C21orf91: variants seen among roughly 807,000 people sequenced by gnomAD.
C21orf91 encodes the protein chromosome 21 open reading frame 91, also known as protein EURL homolog.
A neutral mutation model predicts 32.9 loss-of-function variants in C21orf91; 26 were observed. The ratio of observed to expected loss-of-function variants is 0.79; its 90% CI spans 0.58 to 1.10. The LOEUF (loss-of-function observed/expected upper bound fraction) is 1.10, where lower values mean the gene tolerates loss of function less well. Among genes scored for constraint, C21orf91 ranks in the 50% least tolerant of loss-of-function variants. C21orf91 has a pLI of 0.00. For missense variants in C21orf91, 310 were observed against 341.3 expected (o/e 0.91, Z 0.72); for synonymous variants, 126 against 120.4 (o/e 1.05, Z -0.31).
rs1185059100 is a variant in C21orf91, at chr21:17,817,432, T to TAA, written c.127+759_127+760insTT. ...TCCAAAATCTAGAGGTTTAATAAAG[T>TAA]CTCTCTACTGATATGTTACAACTCA... On this transcript the variant is annotated intron_variant, in intron 2 of 4. Coordinates refer to ENST00000284881, the MANE Select transcript of C21orf91 (RefSeq NM_001100420.2). 4.9e-4 allele frequency among the ~76,000 whole-genome samples: 75 copies of TAA among 152,106 alleles called. 1 individual carries two copies. Among genetic ancestry groups the TAA allele is most frequent in the Non-Finnish European group, 9.6e-4 (65 of 68,010 alleles).
intron 2 of C21orf91, among the ~76,000 whole-genome samples, chr21:17,799,302 T>G (rs531465542): frequency 6.6e-6 from 1 of 152,172 alleles, no homozygotes; most frequent in Non-Finnish European, 1.5e-5. Context: ...TTCTTCTTAA[T>G]GATTCATATA....
In C21orf91 at chr21:17,789,757, A is replaced by T. The variant is rs2062458379; in HGVS notation, c.*3658T>A. 6.6e-6 allele frequency: 1 copy of T among 152,096 alleles called. No individual in the cohort carries two copies. The highest frequency in any genetic ancestry group is 2.4e-5 in the African/African-American group (1 of 41,434). 9.4% of individuals were successfully genotyped at this position (152,096 alleles called of 1,614,324 possible). A position where few individuals can be genotyped will look rare whatever the true frequency, so the allele number is the denominator to read the frequency against. ...GATGCAAGCATTATAGCCCTCCTCCAAGTTACCTTTATTTTGTGTGAGGGC... is the reference window on the plus strand; with the variant it reads ...GATGCAAGCATTATAGCCCTCCTCCTAGTTACCTTTATTTTGTGTGAGGGC... On this transcript the variant is annotated 3_prime_UTR_variant, in exon 5 of 5. Transcript: ENST00000284881.
At position 17,817,408 on chromosome 21, in the gene C21orf91, C is replaced by G. The variant is rs78134726; in HGVS notation, c.127+784G>C. Among the ~76,000 whole-genome samples the G allele has an allele frequency of 3.9e-4, 59 of 152,058 alleles. No individual in the cohort carries two copies. The East Asian group carries it at 9.7e-3, about 25-fold the overall frequency. On this transcript the variant is annotated intron_variant, in intron 2 of 4. Coordinates refer to ENST00000284881, the MANE Select transcript of C21orf91 (RefSeq NM_001100420.2). ...AAGGAAAGAACTATTTTGAAACTGT[C>G]CAAAATCTAGAGGTTTAATAAAGTC...
At chr21:17,802,440 T>C (rs2146253444) in intron 2 of C21orf91, among the ~76,000 whole-genome samples, 1 of 152,352 alleles carries the variant, frequency 6.6e-6, no homozygotes, top group East Asian at 1.9e-4. Flanking sequence ...GGATTACATG[T>C]GGCGTGTAAT....
rs933234074 is a variant in C21orf91 at position 17,792,095 on chromosome 21, T to C, written c.*1320A>G. On this transcript the variant is annotated 3_prime_UTR_variant, in exon 5 of 5. Transcript: ENST00000284881. ...CAGCAGATACTTTCAAGCAAGGATCTACCTCATAAGTACATTCTAAACATG... is the reference window on the plus strand; with the variant it reads ...CAGCAGATACTTTCAAGCAAGGATCCACCTCATAAGTACATTCTAAACATG... 6.6e-6 allele frequency: 1 copy of C among 152,174 alleles called. No individual in the cohort carries two copies. The highest frequency in any genetic ancestry group is 2.4e-5 in the African/African-American group (1 of 41,446). 9.4% of individuals were successfully genotyped at this position (152,174 alleles called of 1,614,324 possible). A position where few individuals can be genotyped will look rare whatever the true frequency, so the allele number is the denominator to read the frequency against.
chr21:17,798,473 G>A (rs2062536403), intron 2 of C21orf91, among the ~76,000 whole-genome samples: 2 of 152,290 alleles, frequency 1.3e-5, no homozygotes, highest in Admixed American at 1.3e-4. Context: ...AATATTGTAA[G>A]CACATGTAAA....
At chr21:17,818,377 G>C (rs1260152539) in intron 1 of C21orf91, 52 bp from the exon 2 acceptor site, 49 of 1,495,732 alleles carry the variant, frequency 3.3e-5, no homozygotes, top group Non-Finnish European at 3.6e-6. Context: ...CCTGCCTTTG[G>C]GGTAGTTCCC....
chr21:17,797,387 T>TA (rs1424266579), intron 2 of C21orf91, among the ~76,000 whole-genome samples: 1 of 152,002 alleles, frequency 6.6e-6, no homozygotes, highest in Non-Finnish European at 1.5e-5. Context: ...CTGCACGATA[T>TA]AAAAAAATAC....
At chr21:17,806,042 T>C (rs1200095190) in intron 2 of C21orf91, among the ~76,000 whole-genome samples, 1 of 151,924 alleles carries the variant, frequency 6.6e-6, no homozygotes, top group Non-Finnish European at 1.5e-5. Context: ...AATGCCTTCA[T>C]AATAATAACC....
intron 2 of C21orf91, among the ~76,000 whole-genome samples, chr21:17,801,495 C>T (rs2062560755): frequency 6.6e-6 from 1 of 152,122 alleles, no homozygotes; most frequent in African/African-American, 2.4e-5. Flanking sequence ...TGGTCTCGAT[C>T]TCCTGACCTT....
At chr21:17,815,903 G>A (rs977331163) in intron 2 of C21orf91, among the ~76,000 whole-genome samples, 2 of 152,110 alleles carry the variant, frequency 1.3e-5, no homozygotes, top group Non-Finnish European at 2.9e-5. Flanking sequence ...CAGGTGATCC[G>A]CCTGCCTTGG....
intron 2 of C21orf91, among the ~76,000 whole-genome samples, chr21:17,817,208 T>C (rs1052851131): frequency 6.6e-6 from 1 of 152,228 alleles, no homozygotes; most frequent in Non-Finnish European, 1.5e-5. Flanking sequence ...TCCATAATCT[T>C]CCATCACATA....
intron 2 of C21orf91, among the ~76,000 whole-genome samples, chr21:17,799,641 T>C (rs1479714283): frequency 6.6e-6 from 1 of 152,164 alleles, no homozygotes; most frequent in Non-Finnish European, 1.5e-5. Context: ...CTAGTTCTCA[T>C]TTCCCCTAAG....
chr21:17,815,366 T>C (rs1483852722), intron 2 of C21orf91, among the ~76,000 whole-genome samples: 1 of 152,090 alleles, frequency 6.6e-6, no homozygotes, highest in Non-Finnish European at 1.5e-5. Flanking sequence ...GCAACTGCAA[T>C]ACTACCAAAC....
intron 2 of C21orf91, among the ~76,000 whole-genome samples, chr21:17,809,166 C>A (rs2062617008): frequency 1.3e-5 from 2 of 152,190 alleles, no homozygotes; most frequent in South Asian, 4.1e-4. Context: ...TTCTTTATAG[C>A]AGTGTGAGAA....
In C21orf91 at chr21:17,792,945, CA is replaced by C. The variant is rs5842661; in HGVS notation, c.*469del. ...ATGTAAATAAATATACAGAACCACTCAAATACACATTTATAAAGAGAATGGC... is the reference window on the plus strand; with the variant it reads ...ATGTAAATAAATATACAGAACCACTCAATACACATTTATAAAGAGAATGGC... On this transcript the variant is annotated 3_prime_UTR_variant, in exon 5 of 5. Coordinates refer to ENST00000284881, the MANE Select transcript of C21orf91 (RefSeq NM_001100420.2). The C allele has an allele frequency of 0.33, 50,631 of 152,048 alleles. 9,141 individuals are homozygous for C. The highest frequency in any genetic ancestry group is 0.48 in the African/African-American group (19,743 of 41,262). 9.4% of individuals were successfully genotyped at this position (152,048 alleles called of 1,614,324 possible). A position where few individuals can be genotyped will look rare whatever the true frequency, so the allele number is the denominator to read the frequency against.
intron 3 of C21orf91, 91 bp from the exon 4 acceptor site, chr21:17,795,361 C>A: frequency 1.2e-6 from 1 of 838,428 alleles, no homozygotes; most frequent in South Asian, 1.4e-5. Context: ...TTTTAAAAAT[C>A]AGCACTTAAC....
At chr21:17,802,462 A>G (rs998047487) in intron 2 of C21orf91, among the ~76,000 whole-genome samples, 2 of 152,208 alleles carry the variant, frequency 1.3e-5, no homozygotes, top group Non-Finnish European at 2.9e-5. Flanking sequence ...CTGGGATCAC[A>G]GTGGCGTGAG....
intron 2 of C21orf91, among the ~76,000 whole-genome samples, chr21:17,816,494 A>G (rs959906372): frequency 1.3e-5 from 2 of 152,252 alleles, no homozygotes; most frequent in African/African-American, 2.4e-5. Context: ...CATCAGCCCT[A>G]TTGCTATAAA....
Sources: gnomAD v4.1 joint callset for allele counts (sites outside exome capture counted in the v4.1 genomes callset) on GRCh38, gnomAD v4.1.1 for gene constraint, MANE v1.5 for transcripts, NCBI Gene and HGNC (gene_info 2026-07-23, HGNC 2026-07-21) for gene names.